The following PPM1L variants were observed in gnomAD, a reference collection of about 807,000 sequenced individuals.
The protein encoded by PPM1L is protein phosphatase, Mg2+/Mn2+ dependent 1L, also known as protein phosphatase 1L.
In PPM1L, 13 loss-of-function variants were observed where a neutral mutation model predicts 31.4. That is an observed-to-expected ratio of 0.41 (90% CI 0.27 to 0.66). PPM1L has a LOEUF of 0.66. PPM1L is among the 30% of genes least tolerant of loss of function. PPM1L has a pLI of 0.29. For synonymous variants in PPM1L, 184 were observed against 175.4 expected (o/e 1.05, Z -0.39); for missense variants, 326 against 453.7 (o/e 0.72, Z 2.56).
chr3:160,907,793 A>G (rs1560147055), intron 1 of PPM1L, among the ~76,000 whole-genome samples: 1 of 152,228 alleles, frequency 6.6e-6, no homozygotes. Context: ...GGAGCTGAAC[A>G]TATGACGGAG....
chr3:161,010,681 A>AG (rs1717864925), intron 2 of PPM1L, among the ~76,000 whole-genome samples: 1 of 152,154 alleles, frequency 6.6e-6, no homozygotes, highest in Non-Finnish European at 1.5e-5. Flanking sequence ...CCTCTCCAGC[A>AG]CCTGTTGTTT....
intron 1 of PPM1L, among the ~76,000 whole-genome samples, chr3:160,935,689 A>C (rs1046000611): frequency 3.3e-5 from 5 of 152,222 alleles, no homozygotes; most frequent in Non-Finnish European, 7.3e-5. Context: ...TAATTGTACC[A>C]AATCAAAGTT....
At position 161,074,166 on chromosome 3, in the gene PPM1L, TG is replaced by T. The variant is rs1720029547; in HGVS notation, c.*5010del. On this transcript the variant is annotated 3_prime_UTR_variant, in exon 4 of 4. Transcript: ENST00000498165. The stretch of plus-strand genomic sequence containing the variant: ...CAGTTATTTACTTTCTTTCCTTTAT[TG>T]TCCTCTCTGGATTCAGTGAAATAAT... 1 of 152,364 alleles carries T rather than the reference TG, an allele frequency of 6.6e-6. No homozygotes were observed. Among genetic ancestry groups the T allele is most frequent in the South Asian group, 2.1e-4 (1 of 4,826 alleles). The allele number at this position is 152,364 out of a possible 1,614,324, so 9.4% of individuals were successfully genotyped here.
At chr3:160,903,644 A>G (rs182736777) in intron 1 of PPM1L, among the ~76,000 whole-genome samples, 165 of 152,142 alleles carry the variant, frequency 1.1e-3, no homozygotes, top group Admixed American at 2.8e-3. Context: ...TATTACTTCA[A>G]TTATTATTAT....
intron 2 of PPM1L, among the ~76,000 whole-genome samples, chr3:160,971,604 G>A (rs567850751): frequency 2.6e-5 from 4 of 152,298 alleles, no homozygotes; most frequent in Admixed American, 6.5e-5. Context: ...GAGAGAACCC[G>A]TAAATCTTGT....
At chr3:160,916,631 A>T (rs933782966) in intron 1 of PPM1L, among the ~76,000 whole-genome samples, 4 of 151,996 alleles carry the variant, frequency 2.6e-5, no homozygotes, top group African/African-American at 9.7e-5. Context: ...CAATCTACTT[A>T]AAAAAAATTT....
chr3:160,766,574 G>A (rs1171733871), intron 1 of PPM1L, among the ~76,000 whole-genome samples: 1 of 151,928 alleles, frequency 6.6e-6, no homozygotes, highest in Non-Finnish European at 1.5e-5. Flanking sequence ...AGTTTCCTGA[G>A]GCCTCCCCAG....
chr3:161,043,794 C>T (rs1380450898), intron 2 of PPM1L, among the ~76,000 whole-genome samples: 1 of 152,126 alleles, frequency 6.6e-6, no homozygotes, highest in Non-Finnish European at 1.5e-5. Flanking sequence ...TCTAAATACC[C>T]TAAGAGCCCT....
At chr3:160,925,646 A>G (rs150791198) in intron 1 of PPM1L, among the ~76,000 whole-genome samples, 114 of 152,284 alleles carry the variant, frequency 7.5e-4, no homozygotes, top group African/African-American at 2.5e-3. Flanking sequence ...TAACTCTACC[A>G]TATGTTTTGA....
rs531616501 is a variant in PPM1L at position 161,021,337 on chromosome 3, T to C, written c.575-44066T>C. Among the ~76,000 whole-genome samples the C allele has an allele frequency of 2.6e-5, 4 of 152,192 alleles. No individual in the cohort carries two copies. In the East Asian group the frequency reaches 7.7e-4, roughly 29 times the overall value. On this transcript the variant is annotated intron_variant, in intron 2 of 3. Coordinates refer to ENST00000498165, the MANE Select transcript of PPM1L (RefSeq NM_139245.4). ...GACTTCTTTATATATTGTTACATTTTCCAAATTTATTCTGCTATTGATTTC... is the reference window on the plus strand; with the variant it reads ...GACTTCTTTATATATTGTTACATTTCCCAAATTTATTCTGCTATTGATTTC...
rs192990888 is a variant in PPM1L at position 160,769,303 on chromosome 3, G to A, written c.399+12596G>A. 3.3e-5 allele frequency among the ~76,000 whole-genome samples: 5 copies of A among 152,350 alleles called. No individual in the cohort carries two copies. The East Asian group carries it at 9.6e-4, about 29-fold the overall frequency. On this transcript the variant is annotated intron_variant, in intron 1 of 3. Coordinates refer to ENST00000498165, the MANE Select transcript of PPM1L (RefSeq NM_139245.4). The stretch of plus-strand genomic sequence containing the variant: ...TTAGAGAATGTTGCTTGTTCTGCAC[G>A]TTAGTAACCTCATTGGAGAATGTTG...
chr3:160,962,384 G>T (rs1309325826), intron 2 of PPM1L, among the ~76,000 whole-genome samples: 1 of 152,010 alleles, frequency 6.6e-6, no homozygotes, highest in Non-Finnish European at 1.5e-5. Context: ...CCTGCCATAG[G>T]TTCTTCCCAT....
At chr3:160,873,414 T>C (rs1007343021) in intron 1 of PPM1L, among the ~76,000 whole-genome samples, 30 of 152,222 alleles carry the variant, frequency 2.0e-4, no homozygotes, top group African/African-American at 6.8e-4. Flanking sequence ...GGCTGACTTA[T>C]AGGTAGACTA....
At chr3:161,066,911 C>T (rs1213244835) in intron 3 of PPM1L, among the ~76,000 whole-genome samples, 1 of 152,190 alleles carries the variant, frequency 6.6e-6, no homozygotes, top group African/African-American at 2.4e-5. Context: ...GCTTCAGTGA[C>T]TGCTTGAGTT....
intron 2 of PPM1L, among the ~76,000 whole-genome samples, chr3:161,051,276 A>C (rs1025081322): frequency 1.3e-5 from 2 of 152,086 alleles, no homozygotes; most frequent in Admixed American, 6.6e-5. Context: ...GGTAAGGACT[A>C]TATTTTATTC....
At chr3:160,760,219 G>C (rs1271552550) in intron 1 of PPM1L, among the ~76,000 whole-genome samples, 1 of 152,164 alleles carries the variant, frequency 6.6e-6, no homozygotes, top group East Asian at 1.9e-4. Flanking sequence ...CATGGCTTTA[G>C]GTGTAAATTT....
chr3:160,844,731 G>C (rs952238587), intron 1 of PPM1L, among the ~76,000 whole-genome samples: 1 of 152,026 alleles, frequency 6.6e-6, no homozygotes, highest in Non-Finnish European at 1.5e-5. Context: ...TTTTTAAAGA[G>C]CCTTATTGAA....
At chr3:160,814,971 G>C (rs1341879557) in intron 1 of PPM1L, among the ~76,000 whole-genome samples, 2 of 152,062 alleles carry the variant, frequency 1.3e-5, no homozygotes, top group African/African-American at 4.8e-5. Flanking sequence ...AAAGGCATAA[G>C]AATGATACAA....
At chr3:160,829,552 G>T (rs1485564150) in intron 1 of PPM1L, among the ~76,000 whole-genome samples, 1 of 152,142 alleles carries the variant, frequency 6.6e-6, no homozygotes, top group African/African-American at 2.4e-5. Context: ...GTTTTTGAGT[G>T]GACATCAGAT....
Sources: allele counts gnomAD v4.1 joint callset (sites outside exome capture counted in the v4.1 genomes callset), GRCh38; gene constraint gnomAD v4.1.1; transcripts MANE v1.5; gene names NCBI Gene and HGNC (gene_info 2026-07-23, HGNC 2026-07-21).